NHEJ1: variants seen among roughly 807,000 people sequenced by gnomAD.
The protein encoded by NHEJ1 is non-homologous end-joining factor 1.
In NHEJ1, 22 loss-of-function variants were observed where a neutral mutation model predicts 39.4. That is an observed-to-expected ratio of 0.56 (90% CI 0.40 to 0.80). The LOEUF (loss-of-function observed/expected upper bound fraction) is 0.80. NHEJ1 is among the 30% of genes least tolerant of loss of function. NHEJ1 has a pLI of 0.00. For missense variants in NHEJ1, 329 were observed against 357.1 expected (o/e 0.92, Z 0.63); for synonymous variants, 154 against 135.6 (o/e 1.14, Z -0.94).
rs2293069 is a variant in NHEJ1, at chr2:219,158,474, A to C, written c.1-112T>G. On this transcript the variant is annotated intron_variant, in intron 1 of 7. Coordinates refer to ENST00000356853, the MANE Select transcript of NHEJ1 (RefSeq NM_024782.3). ...AATCTCATGAAAATCCTCCCTGATAAAATAGAAGGCATGGATTTACGTTCT... is the reference window on the plus strand; with the variant it reads ...AATCTCATGAAAATCCTCCCTGATACAATAGAAGGCATGGATTTACGTTCT... 0.58 allele frequency: 573,543 copies of C among 987,978 alleles called. 174,209 individuals carry two copies. Among genetic ancestry groups the C allele is most frequent in the Non-Finnish European group, 0.64 (405,595 of 636,528 alleles). 61.2% of individuals were successfully genotyped at this position (987,978 alleles called of 1,614,324 possible).
chr2:219,117,931 C>T (rs1436141369), intron 5 of NHEJ1, among the ~76,000 whole-genome samples: 3 of 152,170 alleles, frequency 2.0e-5, no homozygotes, highest in African/African-American at 7.2e-5. Flanking sequence ...GTTAGACATC[C>T]TAAAATGGGG....
At position 219,111,580 on chromosome 2, in the gene NHEJ1, T is replaced by C. The variant is rs1207359233; in HGVS notation, c.589-33374A>G. 6.6e-6 allele frequency among the ~76,000 whole-genome samples: 1 copy of C among 151,018 alleles called. No homozygotes were observed. The highest frequency in any genetic ancestry group is 1.5e-5 in the Non-Finnish European group (1 of 67,890). On this transcript the variant is annotated intron_variant, in intron 5 of 7. Coordinates refer to ENST00000356853, the MANE Select transcript of NHEJ1 (RefSeq NM_024782.3). This position sits in a 1 kb window ranked among gnomAD's most constrained non-coding sequence, Gnocchi z 4.1. The stretch of plus-strand genomic sequence containing the variant: ...TCATGAGACAGTGTGGCCAAGCCAG[T>C]GGGCTGCAGGTTCTGAAGACCAGAA...
chr2:219,078,624 C>T (rs546659677), intron 5 of NHEJ1, among the ~76,000 whole-genome samples: 1 of 152,000 alleles, frequency 6.6e-6, no homozygotes, highest in Non-Finnish European at 1.5e-5. Context: ...GGAGAGAGAG[C>T]AAAATGGTAA....
chr2:219,145,268 T>C (rs1949725350), intron 5 of NHEJ1, among the ~76,000 whole-genome samples: 1 of 152,128 alleles, frequency 6.6e-6, no homozygotes, highest in Admixed American at 6.5e-5. Context: ...TGAAACCTTT[T>C]CTCTTTCAGG....
At chr2:219,155,004 A>G (rs1462571166) in intron 3 of NHEJ1, among the ~76,000 whole-genome samples, 1 of 148,352 alleles carries the variant, frequency 6.7e-6, no homozygotes, top group African/African-American at 2.5e-5. Context: ...TATAATATAG[A>G]TATACTATAT....
At chr2:219,108,418 C>G (rs747044824) in intron 5 of NHEJ1, among the ~76,000 whole-genome samples, 5 of 152,164 alleles carry the variant, frequency 3.3e-5, no homozygotes, top group Non-Finnish European at 5.9e-5. Flanking sequence ...AAGTAAAGAG[C>G]CTATGTCTTT....
At chr2:219,157,191 T>C (rs916214827) in intron 3 of NHEJ1, among the ~76,000 whole-genome samples, 1 of 152,236 alleles carries the variant, frequency 6.6e-6, no homozygotes, top group African/African-American at 2.4e-5. Flanking sequence ...AGGAAGAGGC[T>C]ATATTGTTTT....
chr2:219,105,311 G>T (rs1949303865), intron 5 of NHEJ1, among the ~76,000 whole-genome samples: 1 of 152,122 alleles, frequency 6.6e-6, no homozygotes, highest in Non-Finnish European at 1.5e-5. Context: ...GAAATATCTA[G>T]AAAGATGTAG....
chr2:219,090,153 CAT>C (rs1949148061), intron 5 of NHEJ1, among the ~76,000 whole-genome samples: 1 of 152,216 alleles, frequency 6.6e-6, no homozygotes, highest in African/African-American at 2.4e-5. Flanking sequence ...ACGTAGGTAA[CAT>C]ATTAATTCTG....
At chr2:219,155,389 AC>A (rs542377822) in intron 3 of NHEJ1, among the ~76,000 whole-genome samples, 4 of 150,438 alleles carry the variant, frequency 2.7e-5, no homozygotes, top group East Asian at 3.9e-4. Context: ...ACACAGAGAG[AC>A]CCCCCATCTC....
intron 3 of NHEJ1, 53 bp from the exon 4 acceptor site, chr2:219,147,848 A>T: frequency 3.8e-6 from 6 of 1,590,600 alleles, no homozygotes; most frequent in Non-Finnish European, 5.2e-6. Context: ...AGTACTTTCC[A>T]ATTCAGTATT....
At chr2:219,118,183 A>T (rs1194251519) in intron 5 of NHEJ1, among the ~76,000 whole-genome samples, 4 of 152,142 alleles carry the variant, frequency 2.6e-5, no homozygotes, top group Admixed American at 2.6e-4. Context: ...GGCCCTTCTT[A>T]CTAGGCCCAC....
chr2:219,160,496 C>A (rs1467950043), intron 1 of NHEJ1: 1 of 152,074 alleles, frequency 6.6e-6, no homozygotes, highest in African/African-American at 2.4e-5. Flanking sequence ...ACCAAACAGG[C>A]GACCAACGAG....
At chr2:219,084,857 T>C (rs1949097718) in intron 5 of NHEJ1, among the ~76,000 whole-genome samples, 1 of 152,188 alleles carries the variant, frequency 6.6e-6, no homozygotes, top group African/African-American at 2.4e-5. Flanking sequence ...GGGTGGCAAG[T>C]ATAACAGTGA....
chr2:219,073,594 A>G lies in NHEJ1; in HGVS notation c.*2787T>C, dbSNP rs1425070264. Among the ~76,000 whole-genome samples, 1 of 152,124 alleles carries G rather than the reference A, an allele frequency of 6.6e-6. No homozygotes were observed. Among genetic ancestry groups the G allele is most frequent in the Non-Finnish European group, 1.5e-5 (1 of 68,022 alleles). On this transcript the variant is annotated 3_prime_UTR_variant, in exon 8 of 8. Coordinates refer to ENST00000356853, the MANE Select transcript of NHEJ1 (RefSeq NM_024782.3). ...GCAATCTAGGTGGCGCTATTTCTCT[A>G]CTTTTTAGGTCAAGTTCCTGCAGGA...
intron 5 of NHEJ1, among the ~76,000 whole-genome samples, chr2:219,122,141 C>T (rs1373905937): frequency 1.3e-5 from 2 of 152,168 alleles, no homozygotes; most frequent in African/African-American, 2.4e-5. Flanking sequence ...GCAGCAGCCA[C>T]GGCTGGTAAG....
chr2:219,077,687 G>A (rs1376514108), intron 6 of NHEJ1, among the ~76,000 whole-genome samples: 1 of 150,920 alleles, frequency 6.6e-6, no homozygotes, highest in Admixed American at 6.6e-5. Flanking sequence ...TTTTTGCTGT[G>A]TTGTCCAGGC....
rs75534185 is a variant in NHEJ1, at chr2:219,080,688, T to A, written c.589-2482A>T. 8.2e-3 allele frequency among the ~76,000 whole-genome samples: 973 copies of A among 118,260 alleles called. 16 individuals are homozygous for A. The highest frequency in any genetic ancestry group is 0.032 in the African/African-American group (935 of 29,352). The allele number at this position is 118,260 out of a possible 152,430, so 77.6% of individuals were successfully genotyped here. On this transcript the variant is annotated intron_variant, in intron 5 of 7. Transcript: ENST00000356853. ...AAGCTTTTATATATGCTAATATATA[T>A]GCTTATATATATATATGCTAATATA... is the stretch of plus-strand genomic sequence containing the variant.
In NHEJ1 at chr2:219,075,366, T is replaced by A. The variant is rs1356365599; in HGVS notation, c.*1015A>T. The stretch of plus-strand genomic sequence containing the variant: ...ATTATTTTATTATTGTTTGATCATC[T>A]TCTCTCGAGACTTGACATCAGGACA... On this transcript the variant is annotated 3_prime_UTR_variant, in exon 8 of 8. Coordinates refer to ENST00000356853, the MANE Select transcript of NHEJ1 (RefSeq NM_024782.3). 6.6e-6 allele frequency: 1 copy of A among 152,246 alleles called. No individual in the cohort carries two copies. The highest frequency in any genetic ancestry group is 1.5e-5 in the Non-Finnish European group (1 of 68,048). 9.4% of individuals were successfully genotyped at this position (152,246 alleles called of 1,614,324 possible). A position where few individuals can be genotyped will look rare whatever the true frequency, so the allele number is the denominator to read the frequency against.
Sources: allele counts gnomAD v4.1 joint callset (sites outside exome capture counted in the v4.1 genomes callset), GRCh38; gene constraint gnomAD v4.1.1; non-coding constraint Gnocchi (gnomAD v3.1); transcripts MANE v1.5; gene names NCBI Gene and HGNC (gene_info 2026-07-23, HGNC 2026-07-21).